The following TSNARE1 variants were observed in gnomAD, a reference collection of about 807,000 sequenced individuals.
TSNARE1 encodes the protein t-SNARE domain containing 1.
In TSNARE1, 49 loss-of-function variants were observed where a neutral mutation model predicts 62.0. The observed-to-expected ratio is 0.79, with a 90% CI of 0.63 to 1.00. TSNARE1 has a LOEUF of 1.00. Ranked by LOEUF, TSNARE1 falls within the 50% of genes least tolerant of loss-of-function variation. TSNARE1 has a pLI of 0.00. For synonymous variants in TSNARE1, 328 were observed against 294.4 expected (o/e 1.11, Z -1.17); for missense variants, 755 against 700.1 (o/e 1.08, Z -0.88).
intron 13 of TSNARE1, among the ~76,000 whole-genome samples, chr8:142,224,880 G>T (rs147788683): frequency 6.6e-6 from 1 of 152,256 alleles, no homozygotes; most frequent in Admixed American, 6.5e-5. Flanking sequence ...CTGAGCCCGC[G>T]GGGAGTGGGG....
intron 9 of TSNARE1, among the ~76,000 whole-genome samples, chr8:142,312,669 T>G (rs1313093137): frequency 6.6e-6 from 1 of 152,166 alleles, no homozygotes. Context: ...GACTCTCACA[T>G]CACGCACACA....
chr8:142,300,366 G>C (rs951427148), intron 10 of TSNARE1, 120 bp downstream of exon 10: 8 of 1,236,474 alleles, frequency 6.5e-6, no homozygotes, highest in Admixed American at 5.1e-5. Flanking sequence ...TGGAGGCCTA[G>C]TTCCAGCCCC....
chr8:142,346,375 C>T (rs1314554595), intron 2 of TSNARE1, among the ~76,000 whole-genome samples: 1 of 152,256 alleles, frequency 6.6e-6, no homozygotes. Flanking sequence ...CTCGGCTTTG[C>T]GGAGGCAGAG....
At chr8:142,232,232 C>A (rs533481229) in intron 12 of TSNARE1, among the ~76,000 whole-genome samples, 3 of 152,240 alleles carry the variant, frequency 2.0e-5, no homozygotes, top group Non-Finnish European at 2.9e-5. Flanking sequence ...TTGCTGGAAG[C>A]ACTCCCCTGG....
At chr8:142,217,482 T>C (rs1815937685) in intron 13 of TSNARE1, among the ~76,000 whole-genome samples, 1 of 152,170 alleles carries the variant, frequency 6.6e-6, no homozygotes, top group Admixed American at 6.5e-5. Context: ...TCTTGAATGC[T>C]GGCCAGAGGC....
intron 12 of TSNARE1, chr8:142,270,447 T>C: frequency 9.1e-6 from 9 of 984,426 alleles, no homozygotes; most frequent in Non-Finnish European, 1.1e-5. Flanking sequence ...CAAAATGTCA[T>C]CCCAGCCCCA....
intron 9 of TSNARE1, among the ~76,000 whole-genome samples, chr8:142,303,574 G>A (rs1826144008): frequency 6.6e-6 from 1 of 152,230 alleles, no homozygotes; most frequent in Non-Finnish European, 1.5e-5. Context: ...CCCACCCTAC[G>A]CCAGGCACTG....
At chr8:142,315,163 C>T in intron 7 of TSNARE1, 71 bp from the exon 8 acceptor site, 1 of 1,492,728 alleles carries the variant, frequency 6.7e-7, no homozygotes, top group Non-Finnish European at 9.3e-7. Context: ...CCACCCACAC[C>T]TCCTCCCGTA....
At chr8:142,298,500 G>A (rs926487680) in intron 10 of TSNARE1, among the ~76,000 whole-genome samples, 1 of 152,158 alleles carries the variant, frequency 6.6e-6, no homozygotes, top group African/African-American at 2.4e-5. Flanking sequence ...AAGGTGCCAC[G>A]CCGGAACCCC....
At chr8:142,345,670 C>T in intron 3 of TSNARE1, 73 bp downstream of exon 3, 2 of 1,452,124 alleles carry the variant, frequency 1.4e-6, no homozygotes, top group Non-Finnish European at 1.8e-6. Flanking sequence ...CCTGCTGACC[C>T]TGCCCTCCTC....
intron 12 of TSNARE1, among the ~76,000 whole-genome samples, chr8:142,231,909 A>AT (rs1209439882): frequency 6.6e-6 from 1 of 152,228 alleles, no homozygotes; most frequent in Non-Finnish European, 1.5e-5. Flanking sequence ...TGTATGTGCC[A>AT]TAAGAGTGCA....
chr8:142,270,042 C>T (rs1819382163), intron 12 of TSNARE1: 1 of 985,352 alleles, frequency 1.0e-6, no homozygotes, highest in Admixed American at 6.1e-5. Context: ...AGCCAGTCAG[C>T]CAGCATCTTG....
chr8:142,272,035 C>T (rs926057804), intron 12 of TSNARE1, among the ~76,000 whole-genome samples: 1 of 152,094 alleles, frequency 6.6e-6, no homozygotes, highest in African/African-American at 2.4e-5. Flanking sequence ...TACCCGCCAT[C>T]CTGCTACCCA....
At chr8:142,292,095 G>A (rs1823874295) in intron 10 of TSNARE1, among the ~76,000 whole-genome samples, 1 of 152,104 alleles carries the variant, frequency 6.6e-6, no homozygotes, top group Non-Finnish European at 1.5e-5. Context: ...CATGCCAGGA[G>A]GAAACCAGGC....
At chr8:142,250,565 G>A (rs955017287) in intron 12 of TSNARE1, among the ~76,000 whole-genome samples, 2 of 152,168 alleles carry the variant, frequency 1.3e-5, no homozygotes, top group Non-Finnish European at 2.9e-5. Flanking sequence ...GCCTGCTGCC[G>A]CTTGTTTTCC....
chr8:142,234,612 C>T (rs73362795), intron 12 of TSNARE1, among the ~76,000 whole-genome samples: 123 of 152,334 alleles, frequency 8.1e-4, no homozygotes, highest in African/African-American at 2.9e-3. Flanking sequence ...GGCAGCCCAG[C>T]CCTGCTGTGT....
intron 9 of TSNARE1, among the ~76,000 whole-genome samples, chr8:142,307,446 C>A (rs1054563814): frequency 4.6e-5 from 7 of 152,210 alleles, no homozygotes; most frequent in Non-Finnish European, 1.0e-4. Context: ...ATACCAGAAT[C>A]TGTGGGTGCG....
At chr8:142,277,493 G>C in intron 11 of TSNARE1, 1 of 985,458 alleles carries the variant, frequency 1.0e-6, no homozygotes, top group East Asian at 1.1e-4. Flanking sequence ...GCTGCAGAGC[G>C]GAAAGCATGG....
intron 9 of TSNARE1, among the ~76,000 whole-genome samples, chr8:142,301,705 A>G (rs1825812550): frequency 6.6e-6 from 1 of 152,144 alleles, no homozygotes; most frequent in Admixed American, 6.5e-5. Context: ...AGGCACCGAG[A>G]ATGGGCAGAG....
Sources: gnomAD v4.1 joint callset for allele counts (sites outside exome capture counted in the v4.1 genomes callset) on GRCh38, gnomAD v4.1.1 for gene constraint, MANE v1.5 for transcripts, NCBI Gene and HGNC (gene_info 2026-07-23, HGNC 2026-07-21) for gene names.